Variants in SPARCL1 observed in about 807,000 individuals in gnomAD.
SPARCL1 encodes the protein SPARC-like protein 1.
A neutral mutation model predicts 67.1 loss-of-function variants in SPARCL1; 52 were observed. That is an observed-to-expected ratio of 0.78 (90% confidence interval 0.62 to 0.98). The LOEUF (loss-of-function observed/expected upper bound fraction) is 0.98, where lower values mean the gene tolerates loss of function less well. SPARCL1 is among the 50% of genes least tolerant of loss of function. SPARCL1 has a pLI of 0.00. For missense variants in SPARCL1, 717 were observed against 782.4 expected (o/e 0.92, Z 1.00); for synonymous variants, 226 against 267.8 (o/e 0.84, Z 1.52).
chr4:87,492,544 T>C (rs1724394252), intron 4 of SPARCL1, among the ~76,000 whole-genome samples: 1 of 152,236 alleles, frequency 6.6e-6, no homozygotes, highest in Admixed American at 6.5e-5. Context: ...CTCTGGGGAT[T>C]ACTCAATAAG....
At chr4:87,477,936 A>AATG (rs1304248640) in intron 10 of SPARCL1, among the ~76,000 whole-genome samples, 4 of 152,202 alleles carry the variant, frequency 2.6e-5, no homozygotes, top group Admixed American at 2.0e-4. Flanking sequence ...TATTTCACAG[A>AATG]ATGATATTGC....
chr4:87,515,520 C>T (rs761095136), intron 1 of SPARCL1, among the ~76,000 whole-genome samples: 2 of 152,124 alleles, frequency 1.3e-5, no homozygotes, highest in Non-Finnish European at 2.9e-5. Context: ...TTCTTTTCTT[C>T]ATCCCACTGT....
At chr4:87,505,373 G>A (rs1291513383) in intron 1 of SPARCL1, among the ~76,000 whole-genome samples, 3 of 151,734 alleles carry the variant, frequency 2.0e-5, no homozygotes, top group Admixed American at 6.6e-5. Context: ...GTAAATATGT[G>A]GACTCTATTA....
intron 1 of SPARCL1, among the ~76,000 whole-genome samples, chr4:87,511,965 C>CTTTTT (rs1560827173): frequency 9.8e-5 from 8 of 82,024 alleles, no homozygotes; most frequent in Admixed American, 2.4e-4. Context: ...CTCTTTCTTT[C>CTTTTT]TCTTTTTTTT....
intron 8 of SPARCL1, among the ~76,000 whole-genome samples, chr4:87,481,017 C>T (rs1723800401): frequency 6.6e-6 from 1 of 152,062 alleles, no homozygotes; most frequent in Non-Finnish European, 1.5e-5. Flanking sequence ...TTGAAATTTC[C>T]CTGTTTCATA....
chr4:87,475,108 A>C (rs1723534888), intron 10 of SPARCL1, among the ~76,000 whole-genome samples: 1 of 152,154 alleles, frequency 6.6e-6, no homozygotes. Flanking sequence ...TTATTCTAAA[A>C]AATGCTCCCC....
In SPARCL1 at chr4:87,529,133, A is replaced by G. The variant is rs752265545; in HGVS notation, c.-100T>C. On this transcript the variant is annotated 5_prime_UTR_variant, in exon 1 of 11. Transcript: ENST00000282470. ...ACAGACAGGGAATAAAAGTTTGACA[A>G]ACACCCAAGAAAAACTCTTTAAATC... is the stretch of plus-strand genomic sequence containing the variant. 1.3e-5 allele frequency: 2 copies of G among 152,184 alleles called. No individual in the cohort carries two copies. The highest frequency in any genetic ancestry group is 6.5e-5 in the Admixed American group (1 of 15,270). 9.4% of individuals were successfully genotyped at this position (152,184 alleles called of 1,614,324 possible). A position where few individuals can be genotyped will look rare whatever the true frequency, so the allele number is the denominator to read the frequency against.
chr4:87,499,935 C>G (rs1724779553), intron 1 of SPARCL1, among the ~76,000 whole-genome samples: 1 of 152,066 alleles, frequency 6.6e-6, no homozygotes, highest in Non-Finnish European at 1.5e-5. Context: ...TAAAAACACG[C>G]TGCCTGTTTA....
At chr4:87,520,022 T>C (rs563174377) in intron 1 of SPARCL1, among the ~76,000 whole-genome samples, 1 of 152,110 alleles carries the variant, frequency 6.6e-6, no homozygotes, top group South Asian at 2.1e-4. Context: ...GGTGGATCAC[T>C]TGAGGCCAGA....
At chr4:87,515,698 G>A (rs879762064) in intron 1 of SPARCL1, among the ~76,000 whole-genome samples, 20 of 152,238 alleles carry the variant, frequency 1.3e-4, no homozygotes, top group Non-Finnish European at 2.6e-4. Context: ...AGAACATCCA[G>A]CATTTGAATT....
intron 7 of SPARCL1, among the ~76,000 whole-genome samples, chr4:87,485,419 C>G (rs894950411): frequency 6.6e-6 from 1 of 151,986 alleles, no homozygotes; most frequent in Non-Finnish European, 1.5e-5. Flanking sequence ...ATGAAGGTGA[C>G]TTGATTGTGG....
chr4:87,479,686 A>G (rs1723728516), intron 9 of SPARCL1, 108 bp from the exon 10 acceptor site: 2 of 993,238 alleles, frequency 2.0e-6, no homozygotes, highest in South Asian at 1.6e-5. Context: ...TGTATATGTG[A>G]TATAAATAGA....
intron 10 of SPARCL1, among the ~76,000 whole-genome samples, chr4:87,477,064 C>T (rs1385907610): frequency 6.6e-6 from 1 of 152,190 alleles, no homozygotes; most frequent in Non-Finnish European, 1.5e-5. Context: ...AGTGCACAAA[C>T]AAGATCATTA....
chr4:87,480,855 T>C (rs1723794778), intron 8 of SPARCL1, among the ~76,000 whole-genome samples: 1 of 150,940 alleles, frequency 6.6e-6, no homozygotes, highest in Non-Finnish European at 1.5e-5. Flanking sequence ...GAGGTTTTAA[T>C]GAAAAGGGCT....
chr4:87,512,830 C>T (rs1490017367), intron 1 of SPARCL1, among the ~76,000 whole-genome samples: 1 of 152,102 alleles, frequency 6.6e-6, no homozygotes, highest in African/African-American at 2.4e-5. Context: ...ATTAGCAAGA[C>T]AATATTTCAT....
chr4:87,482,228 GC>G (rs1481667951), intron 8 of SPARCL1, among the ~76,000 whole-genome samples, 195 bp downstream of exon 8: 2 of 152,180 alleles, frequency 1.3e-5, no homozygotes, highest in Non-Finnish European at 2.9e-5. Context: ...GAAGAATGGG[GC>G]GGTTTGGTGG....
intron 10 of SPARCL1, 118 bp downstream of exon 10, chr4:87,479,312 C>CTTTTTTTT: frequency 9.1e-7 from 1 of 1,104,038 alleles, no homozygotes; most frequent in Non-Finnish European, 1.3e-6. Flanking sequence ...AAGCTGCCAC[C>CTTTTTTTT]TTTTTTTTTC....
chr4:87,522,312 T>G (rs1290172384), intron 1 of SPARCL1, among the ~76,000 whole-genome samples: 1 of 151,958 alleles, frequency 6.6e-6, no homozygotes, highest in Admixed American at 6.6e-5. Flanking sequence ...CCATCATCCT[T>G]CCTAATTGAA....
chr4:87,490,900 G>A (rs778055578), intron 5 of SPARCL1, 22 bp from the exon 6 acceptor site: 4 of 1,373,726 alleles, frequency 2.9e-6, no homozygotes, highest in Non-Finnish European at 3.0e-6. Flanking sequence ...GATTGGGCAG[G>A]AAGCATGGAC....
Sources: gnomAD v4.1 joint callset for allele counts (sites outside exome capture counted in the v4.1 genomes callset) on GRCh38, gnomAD v4.1.1 for gene constraint, MANE v1.5 for transcripts, NCBI Gene and HGNC (gene_info 2026-07-23, HGNC 2026-07-21) for gene names.